SCN9A: variants seen among roughly 807,000 people sequenced by gnomAD.
SCN9A encodes sodium voltage-gated channel alpha subunit 9, also known as sodium channel protein type 9 subunit alpha.
Under a neutral mutation model 187.0 loss-of-function variants are expected in SCN9A, and 131 were observed. The observed-to-expected ratio is 0.70, with a 90% CI of 0.61 to 0.81. The LOEUF is 0.81. Among genes scored for constraint, SCN9A ranks in the 30% least tolerant of loss-of-function variants. The pLI, the probability that SCN9A is intolerant of heterozygous loss-of-function variation, is 0.00. For missense variants in SCN9A, 2,252 were observed against 2,396.6 expected (o/e 0.94, Z 1.26); for synonymous variants, 809 against 808.6 (o/e 1.00, Z -0.01).
rs1433552753 is a variant in SCN9A, at chr2:166,303,983, T to C, written c.688+255A>G. ...ATAAAGAAAGGTTTTTTTTATGTCT[T>C]TCTTTCAAAAGATCAAAGTCAGCCC... is the stretch of plus-strand genomic sequence containing the variant. On this transcript the variant is annotated intron_variant, in intron 6 of 26. Coordinates refer to ENST00000642356, the MANE Select transcript of SCN9A (RefSeq NM_001365536.1). The C allele has an allele frequency of 1.9e-6, 3 of 1,557,886 alleles. No individual in the cohort carries two copies. The African/African-American group carries it at 4.1e-5, about 21-fold the overall frequency.
At chr2:166,265,920 CGTTGTTGA>C (rs1696715049) in intron 17 of SCN9A, among the ~76,000 whole-genome samples, 1 of 151,138 alleles carries the variant, frequency 6.6e-6, no homozygotes, top group African/African-American at 2.4e-5. Flanking sequence ...TTTTTTTTGT[CGTTGTTGA>C]GTTGTTTGAG....
Position 166,303,176 on chromosome 2 carries a change from T to C in SCN9A, c.815A>G (p.Lys272Arg). ...AAGTGAATTTCGAAAACATTTATGC[T>C]TCAGGTTTCCCATGAACAGCTGTAG... The part of the protein sequence containing the change: ...IGLQLFMGNL[K>R]HKCFRNSLEN... Residue 272 changes from lysine (K) to arginine (R), a missense_variant, in exon 7 of 27, where the codon AAG becomes AGG. Around this residue, in one of 7 missense-constraint regions of SCN9A, gnomAD observed 1,013 missense variants for 997.4 expected, o/e 1.02. Transcript: ENST00000642356. The C allele has an allele frequency of 2.5e-6, 4 of 1,613,562 alleles. No homozygotes were observed. Among genetic ancestry groups the C allele is most frequent in the East Asian group, 2.2e-5 (1 of 44,830 alleles).
At chr2:166,337,126 G>T (rs182529061) in intron 1 of SCN9A, among the ~76,000 whole-genome samples, 1 of 152,166 alleles carries the variant, frequency 6.6e-6, no homozygotes. Context: ...AACATATTGA[G>T]GTATAGGTAT....
Position 166,204,139 on chromosome 2 carries a change from T to C in SCN9A, c.4590A>G (p.Val1530=). 6.2e-7 allele frequency: 1 copy of C among 1,612,086 alleles called. No individual in the cohort carries two copies. The highest frequency in any genetic ancestry group is 1.1e-5 in the South Asian group (1 of 91,040). ...SIMVLICLNM[V]TMMVEKEGQS... is the part of the protein sequence containing the mutation. Reference sequence around the variant, plus strand: ...GACCCTCCTTTTCTACCATCATGGTTACCATGTTGAGACAGATAAGAACCA... The same window carrying C: ...GACCCTCCTTTTCTACCATCATGGTCACCATGTTGAGACAGATAAGAACCA... The change falls in exon 26 of 27, where the codon GTA becomes GTG. Residue 1530 remains valine (V), a synonymous_variant. Coordinates refer to ENST00000642356, the MANE Select transcript of SCN9A (RefSeq NM_001365536.1).
At chr2:166,250,457 A>G (rs1695985614) in intron 18 of SCN9A, among the ~76,000 whole-genome samples, 1 of 152,112 alleles carries the variant, frequency 6.6e-6, no homozygotes, top group South Asian at 2.1e-4. Context: ...CATTTTACAG[A>G]TGAGATATCT....
At chr2:166,280,282 T>C (rs1490621616) in intron 14 of SCN9A, 75 bp downstream of exon 14, 1 of 856,670 alleles carries the variant, frequency 1.2e-6, no homozygotes, top group East Asian at 2.7e-5. Flanking sequence ...TCATCTGACA[T>C]AAAAAATATG....
At chr2:166,281,400 G>C (rs1007831630) in intron 13 of SCN9A, among the ~76,000 whole-genome samples, 2 of 152,142 alleles carry the variant, frequency 1.3e-5, no homozygotes, top group African/African-American at 4.8e-5. Flanking sequence ...TGAAAGGTCA[G>C]ATCACCCAAC....
Position 166,338,465 on chromosome 2 carries a change from T to G in SCN9A, c.-50-26659A>C, listed in dbSNP as rs567723777. Among the ~76,000 whole-genome samples the G allele has an allele frequency of 7.9e-5, 12 of 152,200 alleles. No homozygotes were observed. In the East Asian group the frequency reaches 1.9e-3, roughly 25 times the overall value. ...TTATGCTATTTGTTGGCTTCTCCTCTCTCCATAACTTTTATTTGTTTTTTA... is the reference window on the plus strand; with the variant it reads ...TTATGCTATTTGTTGGCTTCTCCTCGCTCCATAACTTTTATTTGTTTTTTA... On this transcript the variant is annotated intron_variant, in intron 1 of 26. Coordinates refer to ENST00000642356, the MANE Select transcript of SCN9A (RefSeq NM_001365536.1).
intron 24 of SCN9A, among the ~76,000 whole-genome samples, chr2:166,217,602 T>C (rs1213297736): frequency 6.6e-6 from 1 of 151,982 alleles, no homozygotes; most frequent in Non-Finnish European, 1.5e-5. Context: ...CCAATAGATA[T>C]ATTAAAAAAT....
intron 18 of SCN9A, among the ~76,000 whole-genome samples, chr2:166,249,716 C>A (rs867822154): frequency 6.6e-6 from 1 of 152,052 alleles, no homozygotes; most frequent in Admixed American, 6.6e-5. Context: ...TGTATTATAT[C>A]TTATTATAAC....
At chr2:166,302,155 C>G (rs1698581251) in intron 7 of SCN9A, 2 of 150,890 alleles carry the variant, frequency 1.3e-5, no homozygotes, top group South Asian at 4.1e-4. Flanking sequence ...GACTTCCATA[C>G]CACACCTGGG....
chr2:166,329,420 TA>T (rs1699442359), intron 1 of SCN9A, among the ~76,000 whole-genome samples: 1 of 152,188 alleles, frequency 6.6e-6, no homozygotes, highest in Non-Finnish European at 1.5e-5. Flanking sequence ...ACAGATATTT[TA>T]AAATACACTT....
At chr2:166,328,318 T>C (rs766263796) in intron 1 of SCN9A, among the ~76,000 whole-genome samples, 1 of 152,054 alleles carries the variant, frequency 6.6e-6, no homozygotes, top group South Asian at 2.1e-4. Context: ...GGTAAACTTG[T>C]GTCATGGGGG....
At chr2:166,368,206 C>G (rs952647490) in intron 1 of SCN9A, among the ~76,000 whole-genome samples, 1 of 152,156 alleles carries the variant, frequency 6.6e-6, no homozygotes, top group Non-Finnish European at 1.5e-5. Context: ...AGGATTTAAA[C>G]GGAGCATATG....
Position 166,229,896 on chromosome 2 carries a change from AG to A in SCN9A, c.3925-925del, listed in dbSNP as rs755601748. 1.0e-3 allele frequency among the ~76,000 whole-genome samples: 155 copies of A among 152,202 alleles called. 1 individual carries two copies. The highest frequency in any genetic ancestry group is 1.7e-3 in the Non-Finnish European group (115 of 68,018). ...AAACCTACCTGTCATCTTACACTTC[AG>A]CTTGAGCACCCATTCAAGTACAAAT... On this transcript the variant is annotated intron_variant, in intron 21 of 26. Coordinates refer to ENST00000642356, the MANE Select transcript of SCN9A (RefSeq NM_001365536.1).
chr2:166,254,820 TTC>T (rs1201486700), intron 17 of SCN9A, among the ~76,000 whole-genome samples: 1 of 151,300 alleles, frequency 6.6e-6, no homozygotes, highest in African/African-American at 2.4e-5. Flanking sequence ...ATCAATTTTT[TTC>T]ATCATTGGCA....
rs769771450 is a variant in SCN9A at position 166,311,751 on chromosome 2, T to G, written c.6A>C (p.Ala2=). 1 of 1,600,358 alleles carries G rather than the reference T, an allele frequency of 6.2e-7. No homozygotes were observed. The highest frequency in any genetic ancestry group is 8.5e-7 in the Non-Finnish European group (1 of 1,171,340). M[A]MLPPPGPQSF... ...TCTGAGGTCCTGGGGGAGGCAACATTGCCATCTTTTCATCCTGTATATTTT... is the reference window on the plus strand; with the variant it reads ...TCTGAGGTCCTGGGGGAGGCAACATGGCCATCTTTTCATCCTGTATATTTT... Residue 2 remains alanine (A), a synonymous_variant, in exon 2 of 27, where the codon GCA becomes GCC. Transcript: ENST00000642356.
At chr2:166,288,120 T>C (rs55712911) in intron 10 of SCN9A, among the ~76,000 whole-genome samples, 25,633 of 135,506 alleles carry the variant, frequency 0.19, 2,675 homozygotes, top group East Asian at 0.29. Context: ...TATATATATA[T>C]ACACACACAT....
chr2:166,354,640 T>A (rs1700111235), intron 1 of SCN9A, among the ~76,000 whole-genome samples: 1 of 152,232 alleles, frequency 6.6e-6, no homozygotes, highest in Admixed American at 6.5e-5. Context: ...AGTATTTAAT[T>A]GTTTTAGAAA....
Sources: allele counts gnomAD v4.1 joint callset (sites outside exome capture counted in the v4.1 genomes callset), GRCh38; gene constraint gnomAD v4.1.1; regional missense constraint gnomAD v4.1.1; transcripts MANE v1.5; gene names NCBI Gene and HGNC (gene_info 2026-07-23, HGNC 2026-07-21).